DYNC1I1: variants seen among roughly 807,000 people sequenced by gnomAD.
The protein encoded by DYNC1I1 is dynein cytoplasmic 1 intermediate chain 1, also known as cytoplasmic dynein 1 intermediate chain 1.
In DYNC1I1, 43 loss-of-function variants were observed where a neutral mutation model predicts 86.6. The observed-to-expected ratio is 0.50, with a 90% confidence interval of 0.39 to 0.64. The LOEUF (loss-of-function observed/expected upper bound fraction) is 0.64. Among genes scored for constraint, DYNC1I1 ranks in the 30% least tolerant of loss-of-function variants. The pLI, the probability that DYNC1I1 is intolerant of heterozygous loss-of-function variation, is 0.00. For missense variants in DYNC1I1, 604 were observed against 788.8 expected, an observed-to-expected ratio of 0.77 and a Z score of 2.81; for synonymous variants, 262 against 283.7, an observed-to-expected ratio of 0.92 and a Z score of 0.77.
intron 14 of DYNC1I1, among the ~76,000 whole-genome samples, chr7:96,059,713 C>G (rs528251948): frequency 3.3e-5 from 5 of 152,076 alleles, no homozygotes; most frequent in Non-Finnish European, 7.4e-5. Context: ...TTAATAGATA[C>G]GAATCTTCAA....
chr7:95,799,823 C>T (rs1267235848), intron 1 of DYNC1I1, among the ~76,000 whole-genome samples: 1 of 151,712 alleles, frequency 6.6e-6, no homozygotes, highest in Non-Finnish European at 1.5e-5. Flanking sequence ...TCATGTAATT[C>T]TCACAGTAAC....
intron 16 of DYNC1I1, among the ~76,000 whole-genome samples, chr7:96,109,084 T>C (rs1416449412): frequency 6.6e-6 from 1 of 152,192 alleles, no homozygotes; most frequent in Admixed American, 6.5e-5. Context: ...GTCCCTGCTT[T>C]AATTCCTGAT....
rs561869198 is a variant in DYNC1I1, at chr7:95,966,659, T to C, written c.491-10853T>C. Among the ~76,000 whole-genome samples, 11 of 152,336 alleles carry C rather than the reference T, an allele frequency of 7.2e-5. 3 individuals are homozygous for C. Among genetic ancestry groups the C allele is most frequent in the African/African-American group, 2.4e-4 (10 of 41,578 alleles). The stretch of plus-strand genomic sequence containing the variant: ...TTCCCTTTCTAAAGCCTCGGTTTTC[T>C]CATACATAGAGAAAGCTCATCATGT... On this transcript the variant is annotated intron_variant, in intron 6 of 16. Transcript: ENST00000447467.
intron 6 of DYNC1I1, among the ~76,000 whole-genome samples, chr7:95,921,401 G>T (rs1195890320): frequency 2.0e-5 from 3 of 152,184 alleles, no homozygotes; most frequent in African/African-American, 7.2e-5. Context: ...GAGAGCCCTT[G>T]TGTGAGGCCC....
intron 16 of DYNC1I1, among the ~76,000 whole-genome samples, chr7:96,107,036 T>C (rs1347926019): frequency 6.6e-6 from 1 of 151,744 alleles, no homozygotes; most frequent in South Asian, 2.1e-4. Context: ...ATTCATACTT[T>C]TTTTTTTTTT....
intron 13 of DYNC1I1, 28 bp downstream of exon 13, chr7:96,035,780 C>T (rs755316763): frequency 6.2e-7 from 1 of 1,606,730 alleles, no homozygotes; most frequent in East Asian, 2.2e-5. Flanking sequence ...TTACTGATGA[C>T]ATGTTCTTCA....
intron 1 of DYNC1I1, among the ~76,000 whole-genome samples, chr7:95,783,750 A>G (rs1842103): frequency 0.8 from 121,363 of 152,148 alleles, 48,961 homozygotes; most frequent in East Asian, 0.92. Flanking sequence ...TGTGATTATG[A>G]TTAAGAGGTA....
chr7:96,017,059 C>T (rs529049292), intron 10 of DYNC1I1, among the ~76,000 whole-genome samples: 3 of 152,276 alleles, frequency 2.0e-5, no homozygotes, highest in Admixed American at 6.5e-5. Context: ...TTTTAACAAG[C>T]ACCGAAGTTA....
chr7:95,825,736 C>CA (rs1189401971), intron 4 of DYNC1I1, among the ~76,000 whole-genome samples: 2 of 152,152 alleles, frequency 1.3e-5, no homozygotes, highest in Admixed American at 6.5e-5. Context: ...GATCTGATGC[C>CA]AGGCTTGAGC....
rs1181748939 is a variant in DYNC1I1, at chr7:96,098,206, A to G, written c.*613A>G. On this transcript the variant is annotated 3_prime_UTR_variant, in exon 17 of 17. Transcript: ENST00000447467. The stretch of plus-strand genomic sequence containing the variant: ...CTGTTGAGGTTATATTAAGTTCCAC[A>G]TAGCAATTACAGTATGCCAGTTCCA... 1 of 985,918 alleles carries G rather than the reference A, an allele frequency of 1.0e-6. No individual in the cohort carries two copies. The highest frequency in any genetic ancestry group is 1.2e-6 in the Non-Finnish European group (1 of 829,946). 61.1% of individuals were successfully genotyped at this position (985,918 alleles called of 1,614,324 possible).
chr7:95,996,228 T>C (rs1232692145), intron 10 of DYNC1I1, among the ~76,000 whole-genome samples, 155 bp downstream of exon 10: 1 of 152,186 alleles, frequency 6.6e-6, no homozygotes, highest in African/African-American at 2.4e-5. Flanking sequence ...ACCTAATGTT[T>C]TGGGAAAGTG....
At chr7:96,081,110 A>C (rs1024277658) in intron 16 of DYNC1I1, among the ~76,000 whole-genome samples, 14 of 149,430 alleles carry the variant, frequency 9.4e-5, no homozygotes, top group Non-Finnish European at 1.6e-4. Context: ...TTTGCCAAAT[A>C]TATCATGCTA....
chr7:95,914,714 C>A (rs980512957), intron 6 of DYNC1I1, among the ~76,000 whole-genome samples: 2 of 152,122 alleles, frequency 1.3e-5, no homozygotes, highest in Non-Finnish European at 2.9e-5. Flanking sequence ...ATGAAGTCTG[C>A]GTTTGAGGAA....
At chr7:95,964,852 T>C (rs1792968125) in intron 6 of DYNC1I1, among the ~76,000 whole-genome samples, 1 of 152,110 alleles carries the variant, frequency 6.6e-6, no homozygotes, top group Admixed American at 6.5e-5. Context: ...TGGAGAAAGA[T>C]GAATATTTGG....
chr7:96,097,736 A>C lies in DYNC1I1; in HGVS notation c.*143A>C. 7.1e-7 allele frequency: 1 copy of C among 1,413,796 alleles called. No homozygotes were observed. Among genetic ancestry groups the C allele is most frequent in the Non-Finnish European group, 9.3e-7 (1 of 1,076,724 alleles). 87.6% of individuals were successfully genotyped at this position (1,413,796 alleles called of 1,614,324 possible). On this transcript the variant is annotated 3_prime_UTR_variant, in exon 17 of 17. Coordinates refer to ENST00000447467, the MANE Select transcript of DYNC1I1 (RefSeq NM_001135556.2). ...TGCCATATTGTGCCAGCTTTGCTCC[A>C]AGTATTCTAAATGTGTCCCATCATG...
At chr7:96,015,634 T>C (rs1226105750) in intron 10 of DYNC1I1, among the ~76,000 whole-genome samples, 1 of 152,196 alleles carries the variant, frequency 6.6e-6, no homozygotes, top group South Asian at 2.1e-4. Context: ...CATTTGTCTG[T>C]TGAATTTCCA....
At position 95,845,054 on chromosome 7, in the gene DYNC1I1, G is replaced by A. The variant is rs77539818; in HGVS notation, c.374+16938G>A. Among the ~76,000 whole-genome samples the A allele has an allele frequency of 4.7e-3, 709 of 152,316 alleles. 4 individuals carry two copies. The highest frequency in any genetic ancestry group is 0.016 in the African/African-American group (669 of 41,566). On this transcript the variant is annotated intron_variant, in intron 5 of 16. Transcript: ENST00000447467. ...GACCAAGTACAGTTTGAAGGTTAAA[G>A]GCAAGATGAGAGTTGGTCAGATCAG... is the stretch of plus-strand genomic sequence containing the variant.
At chr7:95,933,233 A>C (rs1178210304) in intron 6 of DYNC1I1, among the ~76,000 whole-genome samples, 2 of 152,180 alleles carry the variant, frequency 1.3e-5, no homozygotes, top group Non-Finnish European at 2.9e-5. Flanking sequence ...AAATATGAAA[A>C]TTCATATTAG....
intron 10 of DYNC1I1, among the ~76,000 whole-genome samples, chr7:96,023,399 C>T (rs995541145): frequency 1.2e-4 from 18 of 152,134 alleles, no homozygotes; most frequent in African/African-American, 3.9e-4. Flanking sequence ...CAAATGGGAG[C>T]CTAGAGGGTA....
Sources: gnomAD v4.1 joint callset for allele counts (sites outside exome capture counted in the v4.1 genomes callset) on GRCh38, gnomAD v4.1.1 for gene constraint, MANE v1.5 for transcripts, NCBI Gene and HGNC (gene_info 2026-07-23, HGNC 2026-07-21) for gene names.